Variants in SPON1 observed in about 807,000 individuals in gnomAD.
The protein encoded by SPON1 is spondin 1.
SPON1 carries 52 observed loss-of-function variants against 111.7 expected under a neutral mutation model. That is an observed-to-expected ratio of 0.47 (90% CI 0.37 to 0.59). The LOEUF (loss-of-function observed/expected upper bound fraction) is 0.59, where lower values mean the gene tolerates loss of function less well. SPON1 is among the 20% of genes least tolerant of loss of function. SPON1 has a pLI of 0.00. For missense variants in SPON1, 957 were observed against 1,068.5 expected (o/e 0.90, Z 1.46); for synonymous variants, 410 against 395.8 (o/e 1.04, Z -0.43).
chr11:14,245,023 CT>C (rs1564940011), intron 7 of SPON1, among the ~76,000 whole-genome samples: 1 of 152,192 alleles, frequency 6.6e-6, no homozygotes, highest in Admixed American at 6.5e-5. Flanking sequence ...ACGAAGAAGC[CT>C]TGGCCAGCCC....
chr11:14,198,571 C>G (rs113793772), intron 6 of SPON1, among the ~76,000 whole-genome samples: 1 of 152,204 alleles, frequency 6.6e-6, no homozygotes, highest in African/African-American at 2.4e-5. Flanking sequence ...GATCAGGTCT[C>G]CATACACACT....
At chr11:13,969,025 C>T (rs1554908339) in intron 1 of SPON1, among the ~76,000 whole-genome samples, 1 of 152,080 alleles carries the variant, frequency 6.6e-6, no homozygotes, top group African/African-American at 2.4e-5. Flanking sequence ...CTTACTTTCT[C>T]AGTGAAAGGT....
At chr11:14,075,681 T>C (rs556341118) in intron 4 of SPON1, among the ~76,000 whole-genome samples, 2 of 152,332 alleles carry the variant, frequency 1.3e-5, no homozygotes, top group African/African-American at 4.8e-5. Flanking sequence ...TGTGAAACAG[T>C]GATTATTCTG....
At chr11:14,235,678 CAAAAAAAAAAAA>C (rs56925967) in intron 6 of SPON1, among the ~76,000 whole-genome samples, 83 of 71,394 alleles carry the variant, frequency 1.2e-3, no homozygotes, top group African/African-American at 3.7e-3. Flanking sequence ...GACCCTGCCT[CAAAAAAAAAAAA>C]AAAAAAAAAA....
chr11:14,080,163 A>G (rs2133832279), intron 5 of SPON1, 142 bp downstream of exon 5: 1 of 885,048 alleles, frequency 1.1e-6, no homozygotes, highest in Non-Finnish European at 1.8e-6. Flanking sequence ...AAGTATGTAT[A>G]TTAATCAAGA....
At chr11:13,983,252 G>A (rs1241295571) in intron 2 of SPON1, among the ~76,000 whole-genome samples, 1 of 152,230 alleles carries the variant, frequency 6.6e-6, no homozygotes, top group Admixed American at 6.5e-5. Flanking sequence ...GCTAGGCCTG[G>A]CTGTTTTGCC....
chr11:14,005,266 ACCCCTGG>A (rs1848350428), intron 2 of SPON1, among the ~76,000 whole-genome samples: 2 of 152,286 alleles, frequency 1.3e-5, no homozygotes, highest in Admixed American at 6.5e-5. Flanking sequence ...GGTTGGCAGC[ACCCCTGG>A]CCCCTGGCCC....
chr11:14,135,663 A>AT lies in SPON1; in HGVS notation c.825+96dup. On this transcript the variant is annotated intron_variant, in intron 6 of 15. Transcript: ENST00000576479. This position sits in a 1 kb window ranked among gnomAD's most constrained non-coding sequence, Gnocchi z 4.4. ...CCAGGGGCTTGAAATTTGCAGTACA[A>AT]TGTGGTGGAAGAAAATCTATTTGCT... 8.0e-7 allele frequency: 1 copy of AT among 1,257,332 alleles called. No homozygotes were observed. Among genetic ancestry groups the AT allele is most frequent in the Non-Finnish European group, 1.1e-6 (1 of 894,544 alleles). The allele number at this position is 1,257,332 out of a possible 1,614,324, so 77.9% of individuals were successfully genotyped here. A position where few individuals can be genotyped will look rare whatever the true frequency, so the allele number is the denominator to read the frequency against.
chr11:14,180,215 C>G (rs1554933558), intron 6 of SPON1, among the ~76,000 whole-genome samples: 1 of 152,200 alleles, frequency 6.6e-6, no homozygotes, highest in Admixed American at 6.5e-5. Flanking sequence ...GTTAGTCACC[C>G]TGCATCCCTT....
chr11:14,156,428 C>G (rs1277690874), intron 6 of SPON1, among the ~76,000 whole-genome samples: 1 of 142,478 alleles, frequency 7.0e-6, no homozygotes, highest in Admixed American at 7.2e-5. Flanking sequence ...CAAAAATTTT[C>G]TCCCATTCTG....
chr11:14,203,711 G>A (rs184225809), intron 6 of SPON1, among the ~76,000 whole-genome samples: 259 of 152,332 alleles, frequency 1.7e-3, no homozygotes, highest in African/African-American at 6.1e-3. Context: ...CTCAGAGAGG[G>A]TTTGGGGAGA....
intron 3 of SPON1, among the ~76,000 whole-genome samples, chr11:14,061,826 A>G (rs1848793188): frequency 6.6e-6 from 1 of 151,690 alleles, no homozygotes; most frequent in Non-Finnish European, 1.5e-5. Context: ...TCTGATAGAC[A>G]GACAGCATCA....
intron 5 of SPON1, among the ~76,000 whole-genome samples, chr11:14,101,423 T>A (rs1849143335): frequency 6.6e-6 from 1 of 151,832 alleles, no homozygotes; most frequent in Non-Finnish European, 1.5e-5. Flanking sequence ...AATTTAAAAA[T>A]AATAATAAAA....
rs184109154 is a variant in SPON1, at chr11:14,084,431, G to A, written c.676+4410G>A. Among the ~76,000 whole-genome samples, 63 of 152,246 alleles carry A rather than the reference G, an allele frequency of 4.1e-4. 1 individual carries two copies. Among genetic ancestry groups the A allele is most frequent in the African/African-American group, 1.3e-3 (56 of 41,522 alleles). Reference sequence around the variant, plus strand: ...TTCTGTTCCTGTGTTAGTTTGTTGAGGATGATGGTTTCCAGCTTCATCCAT... The same window carrying A: ...TTCTGTTCCTGTGTTAGTTTGTTGAAGATGATGGTTTCCAGCTTCATCCAT... On this transcript the variant is annotated intron_variant, in intron 5 of 15. Coordinates refer to ENST00000576479, the MANE Select transcript of SPON1 (RefSeq NM_006108.4).
chr11:14,211,023 A>T (rs1848569800), intron 6 of SPON1, among the ~76,000 whole-genome samples: 1 of 152,134 alleles, frequency 6.6e-6, no homozygotes, highest in Non-Finnish European at 1.5e-5. Flanking sequence ...GTATAGTTTG[A>T]AGTCAGGTAG....
chr11:14,221,164 C>T (rs2133906734), intron 6 of SPON1, among the ~76,000 whole-genome samples: 1 of 152,280 alleles, frequency 6.6e-6, no homozygotes, highest in South Asian at 2.1e-4. Context: ...TTTTGTGCAT[C>T]CTCCTGAAAC....
intron 6 of SPON1, among the ~76,000 whole-genome samples, chr11:14,161,201 T>TTTA (rs1564920113): frequency 3.5e-5 from 1 of 28,632 alleles, no homozygotes; most frequent in South Asian, 9.7e-4. Flanking sequence ...CTATATATAT[T>TTTA]TATATATTTA....
chr11:13,988,693 AT>A (rs1483366554), intron 2 of SPON1, among the ~76,000 whole-genome samples: 1 of 152,188 alleles, frequency 6.6e-6, no homozygotes, highest in African/African-American at 2.4e-5. Flanking sequence ...TTTGTCATAA[AT>A]AGCTCTTATT....
chr11:14,072,068 A>G (rs1480514239), intron 3 of SPON1, among the ~76,000 whole-genome samples: 1 of 152,318 alleles, frequency 6.6e-6, no homozygotes, highest in Non-Finnish European at 1.5e-5. Flanking sequence ...TATATGTACA[A>G]TCTTAACTTT....
Sources: allele counts gnomAD v4.1 joint callset (sites outside exome capture counted in the v4.1 genomes callset), GRCh38; gene constraint gnomAD v4.1.1; non-coding constraint Gnocchi (gnomAD v3.1); transcripts MANE v1.5; gene names NCBI Gene and HGNC (gene_info 2026-07-23, HGNC 2026-07-21).